The following C2orf76 variants were observed in gnomAD, a reference collection of about 807,000 sequenced individuals.
C2orf76 encodes the protein chromosome 2 open reading frame 76.
A neutral mutation model predicts 16.9 loss-of-function variants in C2orf76; 23 were observed. The ratio of observed to expected loss-of-function variants is 1.36; its 90% confidence interval spans 0.98 to 1.93. The LOEUF (loss-of-function observed/expected upper bound fraction) is 1.93, where lower values mean the gene tolerates loss of function less well. Ranked by LOEUF, C2orf76 falls within the 30% of genes most tolerant of loss-of-function variation. The pLI, the probability that C2orf76 is intolerant of heterozygous loss-of-function variation, is 0.00. For missense variants in C2orf76, 152 were observed against 152.6 expected (o/e 1.00, Z 0.02); for synonymous variants, 48 against 52.3 (o/e 0.92, Z 0.35).
chr2:119,314,502 T>C (rs1679102580), intron 4 of C2orf76, among the ~76,000 whole-genome samples: 1 of 152,222 alleles, frequency 6.6e-6, no homozygotes, highest in Non-Finnish European at 1.5e-5. Flanking sequence ...CCATATTTAC[T>C]ATACATTCAA....
At chr2:119,357,963 A>G (rs552904698) in intron 1 of C2orf76, among the ~76,000 whole-genome samples, 1 of 152,330 alleles carries the variant, frequency 6.6e-6, no homozygotes. Flanking sequence ...ACAATATACA[A>G]TATAAATACA....
chr2:119,323,659 A>T (rs1373268111), intron 2 of C2orf76, among the ~76,000 whole-genome samples: 1 of 152,110 alleles, frequency 6.6e-6, no homozygotes, highest in African/African-American at 2.4e-5. Flanking sequence ...AACAAAAAAA[A>T]CCCTGAGATG....
chr2:119,307,178 G>A (rs1049894411), intron 5 of C2orf76, among the ~76,000 whole-genome samples: 11 of 152,164 alleles, frequency 7.2e-5, no homozygotes, highest in South Asian at 2.1e-4. Flanking sequence ...AATGACTCAC[G>A]CCTATAATCC....
intron 2 of C2orf76, among the ~76,000 whole-genome samples, chr2:119,325,334 C>A (rs1044955671): frequency 1.3e-5 from 2 of 151,816 alleles, no homozygotes; most frequent in Admixed American, 1.3e-4. Context: ...GTGGCGGGTG[C>A]CTGTATTCCC....
At chr2:119,292,798 G>A in the C2orf76 span, among the ~76,000 whole-genome samples, 1 of 152,138 alleles carries the variant, frequency 6.6e-6, no homozygotes, top group African/African-American at 2.4e-5. Flanking sequence ...ACTTTGGGAG[G>A]CTAAGGCAGG....
At chr2:119,290,800 A>G in the C2orf76 span, among the ~76,000 whole-genome samples, 1 of 152,152 alleles carries the variant, frequency 6.6e-6, no homozygotes, top group Non-Finnish European at 1.5e-5. Flanking sequence ...ACTGCACTCC[A>G]GCCTGGGCGA....
At chr2:119,353,641 G>A (rs1468368554) in intron 1 of C2orf76, among the ~76,000 whole-genome samples, 4 of 146,032 alleles carry the variant, frequency 2.7e-5, no homozygotes, top group African/African-American at 7.7e-5. Context: ...TCAGCTCACT[G>A]CAACCTCTGC....
chr2:119,340,050 A>G, intron 1 of C2orf76, 79 bp from the exon 2 acceptor site: 1 of 1,477,478 alleles, frequency 6.8e-7, no homozygotes, highest in Non-Finnish European at 9.3e-7. Context: ...CATCTCTATC[A>G]GCTCTCTGGC....
chr2:119,344,293 T>C (rs1352194714), intron 1 of C2orf76, among the ~76,000 whole-genome samples: 2 of 152,190 alleles, frequency 1.3e-5, no homozygotes, highest in Non-Finnish European at 2.9e-5. Flanking sequence ...AAGACTAACC[T>C]TACAGATAAT....
rs140087578 is a variant in C2orf76, at chr2:119,330,189, C to G, written c.134-8985G>C. 4.8e-3 allele frequency among the ~76,000 whole-genome samples: 735 copies of G among 152,216 alleles called. 7 individuals are homozygous for G. Among genetic ancestry groups the G allele is most frequent in the African/African-American group, 0.016 (660 of 41,516 alleles). On this transcript the variant is annotated intron_variant, in intron 2 of 5. Transcript: ENST00000334816. ...AGGATTTCGAGACCAGCCTGGCCAGCATGGTGAAACCCCATCTCTACTAAA... is the reference window on the plus strand; with the variant it reads ...AGGATTTCGAGACCAGCCTGGCCAGGATGGTGAAACCCCATCTCTACTAAA...
chr2:119,330,522 T>C (rs866802739), intron 2 of C2orf76, among the ~76,000 whole-genome samples: 6 of 152,288 alleles, frequency 3.9e-5, no homozygotes, highest in South Asian at 4.1e-4. Flanking sequence ...AGTTAGATTA[T>C]GGTATGCCTT....
intron 1 of C2orf76, 135 bp downstream of exon 1, chr2:119,366,655 A>G: frequency 2.4e-6 from 1 of 423,536 alleles, no homozygotes; most frequent in Non-Finnish European, 4.5e-6. Context: ...GAAAAGAAAC[A>G]TAAGGACCTC....
chr2:119,317,224 TAAAC>T (rs1353990569), intron 4 of C2orf76, among the ~76,000 whole-genome samples: 3 of 152,304 alleles, frequency 2.0e-5, no homozygotes, highest in Admixed American at 1.3e-4. Flanking sequence ...ATGTGCTTGA[TAAAC>T]AAAATATGGT....
rs1573666851 is a variant in C2orf76 at position 119,342,713 on chromosome 2, G to C, written c.-12-2742C>G. Among the ~76,000 whole-genome samples, 4 of 152,270 alleles carry C rather than the reference G, an allele frequency of 2.6e-5. No individual in the cohort carries two copies. The South Asian group carries it at 8.3e-4, about 32-fold the overall frequency. On this transcript the variant is annotated intron_variant, in intron 1 of 5. Transcript: ENST00000334816. ...ATAAATTGGGGCTTCAATTATATTAGTAACATTTTATATCTTAAGCAGATG... is the reference window on the plus strand; with the variant it reads ...ATAAATTGGGGCTTCAATTATATTACTAACATTTTATATCTTAAGCAGATG...
At chr2:119,367,039 C>G (rs1681047133), upstream of C2orf76, 1 of 1,613,962 alleles carries the variant, frequency 6.2e-7, no homozygotes, top group Admixed American at 1.7e-5. Context: ...GGAGTTCTTG[C>G]AAGTCGGCCA....
chr2:119,363,716 G>T (rs1043632489), intron 1 of C2orf76, among the ~76,000 whole-genome samples: 1 of 152,168 alleles, frequency 6.6e-6, no homozygotes, highest in Non-Finnish European at 1.5e-5. Context: ...AGCAAGAAAT[G>T]CTTTCACTTA....
intron 3 of C2orf76, among the ~76,000 whole-genome samples, chr2:119,318,058 G>A (rs1679230030): frequency 6.6e-6 from 1 of 151,820 alleles, no homozygotes. Flanking sequence ...TGCAAATACT[G>A]CACAGGCTCA....
intron 1 of C2orf76, among the ~76,000 whole-genome samples, chr2:119,363,482 C>G (rs1680819841): frequency 6.6e-6 from 1 of 151,672 alleles, no homozygotes; most frequent in South Asian, 2.1e-4. Flanking sequence ...GAAGCCCTGC[C>G]ACAGGAGTCA....
downstream of C2orf76, among the ~76,000 whole-genome samples, chr2:119,299,796 A>G (rs1265619998): frequency 6.6e-6 from 1 of 152,244 alleles, no homozygotes; most frequent in Non-Finnish European, 1.5e-5. Flanking sequence ...GCTTAATTTT[A>G]TATTTTAAAA....
Sources: gnomAD v4.1 joint callset for allele counts (sites outside exome capture counted in the v4.1 genomes callset) on GRCh38, gnomAD v4.1.1 for gene constraint, MANE v1.5 for transcripts, NCBI Gene and HGNC (gene_info 2026-07-23, HGNC 2026-07-21) for gene names.